The following FAM13A variants were observed in gnomAD, a reference collection of about 807,000 sequenced individuals.
FAM13A encodes protein FAM13A.
Under a neutral mutation model 129.6 loss-of-function variants are expected in FAM13A, and 76 were observed. The observed-to-expected ratio is 0.59, with a 90% CI of 0.49 to 0.71. The LOEUF (loss-of-function observed/expected upper bound fraction) is 0.71. Ranked by LOEUF, FAM13A falls within the 30% of genes least tolerant of loss-of-function variation. FAM13A has a pLI of 0.00. For missense variants in FAM13A, 1,108 were observed against 1,249.3 expected (o/e 0.89, Z 1.70); for synonymous variants, 443 against 449.9 (o/e 0.98, Z 0.20).
At chr4:88,808,290 G>A (rs960325811) in intron 7 of FAM13A, among the ~76,000 whole-genome samples, 3 of 151,898 alleles carry the variant, frequency 2.0e-5, no homozygotes, top group Admixed American at 1.3e-4. Context: ...AAATGGCCAC[G>A]GACAATTCTT....
intron 6 of FAM13A, among the ~76,000 whole-genome samples, chr4:88,889,581 C>G (rs768812928): frequency 1.3e-5 from 2 of 152,142 alleles, no homozygotes; most frequent in Non-Finnish European, 2.9e-5. Flanking sequence ...TCTTCCTGTG[C>G]TCACTGGAAG....
chr4:88,928,617 C>G (rs774444166), intron 5 of FAM13A, among the ~76,000 whole-genome samples: 14 of 151,990 alleles, frequency 9.2e-5, no homozygotes, highest in Non-Finnish European at 1.6e-4. Context: ...AGTATAGCTA[C>G]TCCTGCTTGG....
intron 5 of FAM13A, among the ~76,000 whole-genome samples, chr4:88,914,990 G>T (rs1749858599): frequency 6.6e-6 from 1 of 152,188 alleles, no homozygotes; most frequent in Non-Finnish European, 1.5e-5. Context: ...CATTTGGTGT[G>T]CTGGGGTCAA....
chr4:88,793,773 A>G (rs1269764826), intron 8 of FAM13A, among the ~76,000 whole-genome samples: 1 of 152,022 alleles, frequency 6.6e-6, no homozygotes, highest in Admixed American at 6.6e-5. Flanking sequence ...TGATTACAAA[A>G]GGTTATGACT....
intron 6 of FAM13A, among the ~76,000 whole-genome samples, chr4:88,878,885 A>T (rs959447362): frequency 6.6e-6 from 1 of 152,186 alleles, no homozygotes; most frequent in African/African-American, 2.4e-5. Flanking sequence ...TCAACATGTA[A>T]TTTTCCACAG....
At chr4:88,756,460 T>A (rs887592283) in intron 14 of FAM13A, among the ~76,000 whole-genome samples, 4 of 152,222 alleles carry the variant, frequency 2.6e-5, no homozygotes, top group African/African-American at 9.7e-5. Context: ...TCACCTGACA[T>A]TCTGCGATTC....
chr4:88,817,499 G>T (rs776766253), intron 7 of FAM13A, among the ~76,000 whole-genome samples: 1 of 151,670 alleles, frequency 6.6e-6, no homozygotes, highest in East Asian at 1.9e-4. Context: ...GGAGGCAGAG[G>T]TTGCAATGAG....
chr4:88,928,805 A>C lies in FAM13A; in HGVS notation c.759+9283T>G, dbSNP rs556843967. Among the ~76,000 whole-genome samples, 18 of 152,226 alleles carry C rather than the reference A, an allele frequency of 1.2e-4. 1 individual carries two copies. In the South Asian group the frequency reaches 3.5e-3, roughly 30 times the overall value. ...TGGAACATTTAATCCATTTACATTC[A>C]AGGTTAATATTTATATGTGAGGCTT... On this transcript the variant is annotated intron_variant, in intron 5 of 23. Transcript: ENST00000264344.
chr4:89,006,150 T>C (rs1211372616), intron 3 of FAM13A, among the ~76,000 whole-genome samples: 2 of 152,312 alleles, frequency 1.3e-5, no homozygotes, highest in South Asian at 2.1e-4. Flanking sequence ...CCCAGCATCA[T>C]TTATTGAATA....
chr4:88,916,262 T>G (rs968257334), intron 5 of FAM13A, among the ~76,000 whole-genome samples: 1 of 152,208 alleles, frequency 6.6e-6, no homozygotes, highest in African/African-American at 2.4e-5. Flanking sequence ...AACAAAGACA[T>G]CAAGCATCAT....
At chr4:88,901,169 A>C (rs1284360865) in intron 6 of FAM13A, among the ~76,000 whole-genome samples, 1 of 152,122 alleles carries the variant, frequency 6.6e-6, no homozygotes, top group African/African-American at 2.4e-5. Flanking sequence ...CTATAAAGAG[A>C]CTTAGACTCC....
chr4:89,046,188 CAATT>C (rs1421704207), intron 1 of FAM13A, among the ~76,000 whole-genome samples: 1 of 151,614 alleles, frequency 6.6e-6, no homozygotes, highest in African/African-American at 2.4e-5. Context: ...AAATTTTAAC[CAATT>C]AATTAATGAC....
intron 20 of FAM13A, among the ~76,000 whole-genome samples, chr4:88,737,794 G>C (rs775430696): frequency 3.9e-4 from 60 of 152,286 alleles, no homozygotes; most frequent in Non-Finnish European, 7.4e-4. Flanking sequence ...AACAGCACAG[G>C]AGTATATCCG....
At chr4:88,861,227 A>T (rs1252105456) in intron 6 of FAM13A, among the ~76,000 whole-genome samples, 1 of 152,028 alleles carries the variant, frequency 6.6e-6, no homozygotes, top group Non-Finnish European at 1.5e-5. Context: ...CTAAAAATAC[A>T]AAAATTAGCC....
At chr4:88,946,781 C>T (rs183727267) in intron 4 of FAM13A, among the ~76,000 whole-genome samples, 3 of 152,062 alleles carry the variant, frequency 2.0e-5, no homozygotes, top group Admixed American at 2.0e-4. Context: ...TTATTATCCT[C>T]CTGAAAGTAA....
intron 4 of FAM13A, among the ~76,000 whole-genome samples, chr4:88,940,207 T>C (rs1399994274): frequency 6.6e-6 from 1 of 152,098 alleles, no homozygotes; most frequent in Non-Finnish European, 1.5e-5. Flanking sequence ...GGCAGCATCA[T>C]AGAGAAGGCC....
chr4:88,971,322 A>G (rs1204084343), intron 4 of FAM13A, among the ~76,000 whole-genome samples: 1 of 152,138 alleles, frequency 6.6e-6, no homozygotes, highest in Non-Finnish European at 1.5e-5. Flanking sequence ...ATAACAACAA[A>G]TGAACAAACT....
intron 2 of FAM13A, among the ~76,000 whole-genome samples, chr4:89,028,980 A>AC (rs1188063398): frequency 6.6e-6 from 1 of 151,866 alleles, no homozygotes; most frequent in Non-Finnish European, 1.5e-5. Context: ...AAGTGAAACC[A>AC]CCCCCCACCA....
chr4:88,991,431 C>T (rs1315285213), intron 3 of FAM13A, among the ~76,000 whole-genome samples: 2 of 152,000 alleles, frequency 1.3e-5, no homozygotes, highest in Admixed American at 6.6e-5. Flanking sequence ...GGGAGAGACT[C>T]CGTCTCAAAA....
Sources: allele counts gnomAD v4.1 joint callset (sites outside exome capture counted in the v4.1 genomes callset), GRCh38; gene constraint gnomAD v4.1.1; transcripts MANE v1.5; gene names NCBI Gene and HGNC (gene_info 2026-07-23, HGNC 2026-07-21).